CXCL13: variants seen among roughly 807,000 people sequenced by gnomAD.
The protein encoded by CXCL13 is C-X-C motif chemokine ligand 13, also known as C-X-C motif chemokine 13.
Under a neutral mutation model 12.2 loss-of-function variants are expected in CXCL13, and 7 were observed. The ratio of observed to expected loss-of-function variants is 0.57; its 90% CI spans 0.33 to 1.07. The LOEUF (loss-of-function observed/expected upper bound fraction) is 1.07. CXCL13 is among the 50% of genes least tolerant of loss of function. CXCL13 has a pLI of 0.04. For missense variants in CXCL13, 113 were observed against 127.4 expected (o/e 0.89, Z 0.55); for synonymous variants, 47 against 42.4 (o/e 1.11, Z -0.42).
chr4:77,515,300 G>A (rs1451725790), intron 1 of CXCL13, among the ~76,000 whole-genome samples: 1 of 151,980 alleles, frequency 6.6e-6, no homozygotes, highest in Non-Finnish European at 1.5e-5. Context: ...GCTCTTTTTT[G>A]GTTCCATATG....
chr4:77,581,873 G>A (rs1203288754), intron 1 of CXCL13, among the ~76,000 whole-genome samples: 1 of 152,040 alleles, frequency 6.6e-6, no homozygotes, highest in East Asian at 1.9e-4. Context: ...CATAATCTAT[G>A]TTCACTGGCA....
chr4:77,571,587 G>A (rs963598033), intron 1 of CXCL13, among the ~76,000 whole-genome samples: 1 of 151,800 alleles, frequency 6.6e-6, no homozygotes, highest in Non-Finnish European at 1.5e-5. Flanking sequence ...AATCTGATGG[G>A]GACGTGGAGA....
rs148897684 is a variant in CXCL13, at chr4:77,555,476, G to A, written c.-43+43688G>A. On this transcript the variant is annotated intron_variant, in intron 1 of 4. Coordinates refer to the CXCL13 transcript ENST00000286758. ...ACCACTGGATGCCTATGTGAAAAAA[G>A]CATGAACTTCAACTCTTACCTCACA... 2.7e-3 allele frequency among the ~76,000 whole-genome samples: 412 copies of A among 152,056 alleles called. 4 individuals are homozygous for A. Among genetic ancestry groups the A allele is most frequent in the African/African-American group, 9.5e-3 (396 of 41,534 alleles).
In CXCL13 at chr4:77,574,907, A is replaced by G. The variant is rs193113605; in HGVS notation, c.-42-30917A>G. Among the ~76,000 whole-genome samples, 48 of 152,112 alleles carry G rather than the reference A, an allele frequency of 3.2e-4. 1 individual carries two copies. The highest frequency in any genetic ancestry group is 1.1e-3 in the African/African-American group (45 of 41,346). ...TAACTTTAATCTTTGAGAAATAAAA[A>G]CAGCCTTAAAGATTATTGGCAATGT... On this transcript the variant is annotated intron_variant, in intron 1 of 4. Transcript: ENST00000286758.
At chr4:77,599,184 AT>A (rs1399222110) in intron 1 of CXCL13, among the ~76,000 whole-genome samples, 1 of 152,166 alleles carries the variant, frequency 6.6e-6, no homozygotes, top group Non-Finnish European at 1.5e-5. Context: ...AACATTAACA[AT>A]ATCTAGGTAC....
chr4:77,538,325 G>C (rs1440939182), intron 1 of CXCL13, among the ~76,000 whole-genome samples: 1 of 147,558 alleles, frequency 6.8e-6, no homozygotes, highest in Non-Finnish European at 1.5e-5. Flanking sequence ...TTTTTTGTTT[G>C]TTTTGGTTTG....
At chr4:77,547,274 C>T (rs1725389291) in intron 1 of CXCL13, among the ~76,000 whole-genome samples, 1 of 152,172 alleles carries the variant, frequency 6.6e-6, no homozygotes, top group Non-Finnish European at 1.5e-5. Context: ...AGTTCAATTC[C>T]TGGATATCCT....
At chr4:77,526,855 C>A (rs1724779292) in intron 1 of CXCL13, among the ~76,000 whole-genome samples, 1 of 152,072 alleles carries the variant, frequency 6.6e-6, no homozygotes, top group Non-Finnish European at 1.5e-5. Flanking sequence ...CAAGAAGGGC[C>A]AGCCACTTGA....
intron 1 of CXCL13, among the ~76,000 whole-genome samples, chr4:77,555,731 T>C (rs1376698593): frequency 6.6e-6 from 1 of 152,132 alleles, no homozygotes; most frequent in African/African-American, 2.4e-5. Context: ...GTTACTTTTA[T>C]CTGATGAAAG....
intron 1 of CXCL13, among the ~76,000 whole-genome samples, chr4:77,575,401 C>T (rs1270904747): frequency 1.3e-5 from 2 of 151,794 alleles, no homozygotes; most frequent in African/African-American, 4.9e-5. Context: ...CACCCATCAA[C>T]TCATCATTTA....
intron 1 of CXCL13, among the ~76,000 whole-genome samples, chr4:77,596,861 A>C (rs558865416): frequency 1.3e-5 from 2 of 152,110 alleles, no homozygotes; most frequent in South Asian, 4.2e-4. Flanking sequence ...CTGCATCCAC[A>C]CGTTCATTGC....
chr4:77,514,764 C>A (rs147992136), intron 1 of CXCL13, among the ~76,000 whole-genome samples: 1 of 152,096 alleles, frequency 6.6e-6, no homozygotes, highest in Non-Finnish European at 1.5e-5. Flanking sequence ...GATGCCTGTT[C>A]ACTCTGATGG....
intron 1 of CXCL13, among the ~76,000 whole-genome samples, chr4:77,560,903 T>A (rs905596176): frequency 6.6e-6 from 1 of 152,234 alleles, no homozygotes; most frequent in Non-Finnish European, 1.5e-5. Flanking sequence ...TTTCTTAGGT[T>A]TCCCATGATG....
intron 1 of CXCL13, among the ~76,000 whole-genome samples, chr4:77,519,007 A>G (rs572716921): frequency 4.1e-4 from 62 of 152,246 alleles, no homozygotes; most frequent in African/African-American, 1.3e-3. Flanking sequence ...TTTTCCTTCT[A>G]ACAGAGAGGA....
intron 1 of CXCL13, among the ~76,000 whole-genome samples, chr4:77,565,701 C>G (rs558758229): frequency 1.3e-5 from 2 of 152,178 alleles, no homozygotes; most frequent in East Asian, 1.9e-4. Context: ...AAGGACTCAC[C>G]GTCTAGTAGT....
chr4:77,563,122 A>T (rs887705256), intron 1 of CXCL13, among the ~76,000 whole-genome samples: 1 of 152,110 alleles, frequency 6.6e-6, no homozygotes, highest in Non-Finnish European at 1.5e-5. Context: ...CTAGAAACCC[A>T]CCAGAAGGAA....
chr4:77,523,190 G>T (rs183191600), intron 1 of CXCL13, among the ~76,000 whole-genome samples: 2 of 152,124 alleles, frequency 1.3e-5, no homozygotes, highest in Non-Finnish European at 2.9e-5. Context: ...ATTTGTCTTG[G>T]GGTTGCTTTT....
intron 1 of CXCL13, among the ~76,000 whole-genome samples, chr4:77,546,376 C>G (rs758002049): frequency 1.3e-5 from 2 of 152,154 alleles, no homozygotes; most frequent in South Asian, 4.1e-4. Flanking sequence ...TCTGCCTGGT[C>G]CTGGACTTTT....
rs1430960671 is a variant in CXCL13 at position 77,573,360 on chromosome 4, TTTTGTGTGTGTG to T, written c.-42-32462_-42-32451del. Among the ~76,000 whole-genome samples, 27 of 134,630 alleles carry T rather than the reference TTTTGTGTGTGTG, an allele frequency of 2.0e-4. 1 individual carries two copies. Among genetic ancestry groups the T allele is most frequent in the African/African-American group, 7.7e-4 (26 of 33,924 alleles). 88.3% of individuals were successfully genotyped at this position (134,630 alleles called of 152,430 possible). ...TTCCAAGAAAAAAAGCTATTGGGTC[TTTTGTGTGTGTG>T]TGTGTGTGTGTGTGTGTGTGTGTGT... On this transcript the variant is annotated intron_variant, in intron 1 of 4. Coordinates refer to the CXCL13 transcript ENST00000286758.
Sources: gnomAD v4.1 joint callset for allele counts (sites outside exome capture counted in the v4.1 genomes callset) on GRCh38, gnomAD v4.1.1 for gene constraint, MANE v1.5 for transcripts, NCBI Gene and HGNC (gene_info 2026-07-23, HGNC 2026-07-21) for gene names.